The following GAREM1 variants were observed in gnomAD, a reference collection of about 807,000 sequenced individuals.
The protein encoded by GAREM1 is GRB2 associated regulator of MAPK1 subtype 1, also known as GRB2-associated and regulator of MAPK protein 1.
In GAREM1, 26 loss-of-function variants were observed where a neutral mutation model predicts 71.3. The ratio of observed to expected loss-of-function variants is 0.36; its 90% CI spans 0.27 to 0.51. The LOEUF is 0.51. Among genes scored for constraint, GAREM1 ranks in the 20% least tolerant of loss-of-function variants. The pLI, the probability that GAREM1 is intolerant of heterozygous loss-of-function variation, is 0.95. For missense variants in GAREM1, 1,026 were observed against 1,103.1 expected (o/e 0.93, Z 0.99); for synonymous variants, 440 against 433.2 (o/e 1.02, Z -0.20).
intron 1 of GAREM1, among the ~76,000 whole-genome samples, chr18:32,431,340 T>C (rs1370235486): frequency 1.3e-5 from 2 of 151,918 alleles, no homozygotes; most frequent in Admixed American, 6.6e-5. Context: ...AAAAAGAATA[T>C]AATGAAAGGC....
chr18:32,441,955 A>G (rs2144275807), intron 1 of GAREM1, among the ~76,000 whole-genome samples: 1 of 152,284 alleles, frequency 6.6e-6, no homozygotes, highest in South Asian at 2.1e-4. Flanking sequence ...TGCAGCTGAA[A>G]GCTGCTTCCA....
At chr18:32,463,560 T>C (rs893763094) in intron 1 of GAREM1, among the ~76,000 whole-genome samples, 8 of 148,548 alleles carry the variant, frequency 5.4e-5, no homozygotes, top group Admixed American at 2.1e-4. Context: ...AGAGAGTTTT[T>C]TAAATCACTT....
chr18:32,395,619 C>T (rs2053331883), intron 1 of GAREM1, among the ~76,000 whole-genome samples: 1 of 152,048 alleles, frequency 6.6e-6, no homozygotes, highest in Non-Finnish European at 1.5e-5. Context: ...AGACTTAGTC[C>T]CTACATTCAA....
chr18:32,301,045 G>A (rs2047197039), intron 3 of GAREM1, among the ~76,000 whole-genome samples: 3 of 152,240 alleles, frequency 2.0e-5, no homozygotes, highest in African/African-American at 4.8e-5. Context: ...CACATGGATT[G>A]CATCAAATCT....
chr18:32,378,262 G>A (rs1036821236), intron 2 of GAREM1, among the ~76,000 whole-genome samples: 2 of 152,020 alleles, frequency 1.3e-5, no homozygotes, highest in Admixed American at 6.6e-5. Context: ...CACTTTGAGC[G>A]GCCAAGGCGG....
intron 2 of GAREM1, among the ~76,000 whole-genome samples, chr18:32,364,386 C>T (rs1287750351): frequency 6.6e-6 from 1 of 151,880 alleles, no homozygotes; most frequent in African/African-American, 2.4e-5. Flanking sequence ...CCTGTCTTCA[C>T]CGCTCCGCCC....
chr18:32,291,216 A>T (rs609285), intron 3 of GAREM1, among the ~76,000 whole-genome samples: 38,895 of 151,262 alleles, frequency 0.26, 5,462 homozygotes, highest in African/African-American at 0.37. Context: ...ATTGTTAAAT[A>T]AAAAAAAATA....
At chr18:32,376,938 G>C (rs140823367) in intron 2 of GAREM1, among the ~76,000 whole-genome samples, 26 of 152,300 alleles carry the variant, frequency 1.7e-4, no homozygotes, top group Non-Finnish European at 3.2e-4. Context: ...ATGATGTTTA[G>C]TATAAGCCAG....
At chr18:32,363,030 A>T (rs1318590817) in intron 2 of GAREM1, among the ~76,000 whole-genome samples, 5 of 152,196 alleles carry the variant, frequency 3.3e-5, no homozygotes, top group Non-Finnish European at 7.3e-5. Context: ...GTAAACTAAA[A>T]TTGTAGCTTG....
rs184414230 is a variant in GAREM1 at position 32,287,246 on chromosome 18, G to T, written c.1351C>A (p.Leu451Ile). 6.0e-5 allele frequency: 97 copies of T among 1,614,232 alleles called. No homozygotes were observed. In the East Asian group the frequency reaches 1.1e-3, roughly 18 times the overall value. ...ESAGIPGKSE[L>I]PYEELWLEEG... Reference sequence around the variant, plus strand: ...TCCAGCCACAGCTCTTCGTAGGGAAGTTCTGACTTTCCCGGGATGCCTGCT... The same window carrying T: ...TCCAGCCACAGCTCTTCGTAGGGAATTTCTGACTTTCCCGGGATGCCTGCT... Residue 451 changes from leucine to isoleucine, a missense_variant, in exon 4 of 6, where the codon CTT becomes ATT. Leu to Ile is a conservative substitution (Grantham distance 5, BLOSUM62 2). Coordinates refer to ENST00000269209, the MANE Select transcript of GAREM1 (RefSeq NM_001242409.2). This position sits in a 1 kb window ranked among gnomAD's most constrained non-coding sequence, Gnocchi z 5.9.
chr18:32,275,968 C>T (rs1328412770), intron 4 of GAREM1, among the ~76,000 whole-genome samples: 1 of 152,220 alleles, frequency 6.6e-6, no homozygotes, highest in Non-Finnish European at 1.5e-5. Context: ...AGCCACCGTG[C>T]CTGGCCTAAG....
At chr18:32,332,601 C>G (rs2047548621) in intron 2 of GAREM1, among the ~76,000 whole-genome samples, 1 of 152,148 alleles carries the variant, frequency 6.6e-6, no homozygotes, top group Admixed American at 6.5e-5. Flanking sequence ...TCAATCCTAT[C>G]AGTCCTCTGC....
chr18:32,281,925 T>A (rs1278653376), intron 4 of GAREM1, among the ~76,000 whole-genome samples: 4 of 151,912 alleles, frequency 2.6e-5, no homozygotes, highest in African/African-American at 7.3e-5. Flanking sequence ...AAAAGAAGTG[T>A]AAATGGCCGG....
intron 2 of GAREM1, among the ~76,000 whole-genome samples, chr18:32,330,941 C>A (rs959632516): frequency 6.6e-6 from 1 of 152,186 alleles, no homozygotes; most frequent in African/African-American, 2.4e-5. Context: ...CTTTCCAGCA[C>A]TCTTTACAGT....
intron 1 of GAREM1, among the ~76,000 whole-genome samples, chr18:32,401,067 T>C (rs1323676385): frequency 4.0e-5 from 6 of 151,764 alleles, no homozygotes; most frequent in South Asian, 2.1e-4. Context: ...CAGCAAACTA[T>C]AGGAAGGACA....
At chr18:32,456,872 T>C (rs777392957) in intron 1 of GAREM1, among the ~76,000 whole-genome samples, 40 of 152,140 alleles carry the variant, frequency 2.6e-4, no homozygotes, top group Non-Finnish European at 4.7e-4. Context: ...ATTTCAATTA[T>C]ACCAGATGAT....
chr18:32,391,442 G>C (rs925519893), intron 2 of GAREM1, among the ~76,000 whole-genome samples: 2 of 152,192 alleles, frequency 1.3e-5, no homozygotes, highest in East Asian at 1.9e-4. Context: ...TGATTTGACA[G>C]AGCTTTTCAC....
At chr18:32,408,068 A>G (rs764696368) in intron 1 of GAREM1, among the ~76,000 whole-genome samples, 6 of 152,048 alleles carry the variant, frequency 3.9e-5, no homozygotes, top group Non-Finnish European at 7.4e-5. Context: ...GTAAATTTTG[A>G]AAAAGGTTTG....
At chr18:32,431,561 G>C (rs957812831) in intron 1 of GAREM1, among the ~76,000 whole-genome samples, 3 of 152,194 alleles carry the variant, frequency 2.0e-5, no homozygotes, top group African/African-American at 7.2e-5. Context: ...CCAGGAGGTG[G>C]AGGTTGCAGT....
Sources: allele counts gnomAD v4.1 joint callset (sites outside exome capture counted in the v4.1 genomes callset), GRCh38; gene constraint gnomAD v4.1.1; non-coding constraint Gnocchi (gnomAD v3.1); transcripts MANE v1.5; gene names NCBI Gene and HGNC (gene_info 2026-07-23, HGNC 2026-07-21).